The following LRP1B variants were observed in gnomAD, a reference collection of about 807,000 sequenced individuals.
The protein encoded by LRP1B is low-density lipoprotein receptor-related protein 1B.
In LRP1B, 217 loss-of-function variants were observed where a neutral mutation model predicts 556.6. The observed-to-expected ratio is 0.39, with a 90% confidence interval of 0.35 to 0.44. The LOEUF is 0.44. Among genes scored for constraint, LRP1B ranks in the 20% least tolerant of loss-of-function variants. The pLI is 1.00. For missense variants in LRP1B, 5,053 were observed against 5,620.8 expected (o/e 0.90, Z 3.23); for synonymous variants, 2,047 against 1,865.8 (o/e 1.10, Z -2.50).
At chr2:140,894,838 G>A (rs1170299618) in intron 23 of LRP1B, among the ~76,000 whole-genome samples, 2 of 151,896 alleles carry the variant, frequency 1.3e-5, no homozygotes, top group African/African-American at 4.8e-5. Flanking sequence ...AGCTACTCAG[G>A]AGGCTGAAGG....
intron 41 of LRP1B, among the ~76,000 whole-genome samples, chr2:140,688,686 A>G (rs1686133794): frequency 6.6e-6 from 1 of 152,158 alleles, no homozygotes; most frequent in Non-Finnish European, 1.5e-5. Context: ...CTTGCCAGTG[A>G]GACATTAGCA....
chr2:140,622,402 TCA>T (rs1173686362), intron 41 of LRP1B, among the ~76,000 whole-genome samples: 1 of 152,208 alleles, frequency 6.6e-6, no homozygotes, highest in African/African-American at 2.4e-5. Flanking sequence ...CATTTAGCTT[TCA>T]CAGTTTACCT....
intron 7 of LRP1B, among the ~76,000 whole-genome samples, chr2:141,117,506 T>C (rs1356319386): frequency 1.3e-5 from 2 of 151,814 alleles, no homozygotes; most frequent in Non-Finnish European, 2.9e-5. Context: ...AATTAGAAGG[T>C]TTAAAAAAAT....
At chr2:141,022,107 A>G (rs778714308) in intron 11 of LRP1B, among the ~76,000 whole-genome samples, 3 of 151,664 alleles carry the variant, frequency 2.0e-5, no homozygotes, top group Non-Finnish European at 2.9e-5. Context: ...ATAAATAAAT[A>G]TATGTGATGT....
At chr2:141,268,577 A>G (rs1018978233) in intron 3 of LRP1B, among the ~76,000 whole-genome samples, 2 of 152,160 alleles carry the variant, frequency 1.3e-5, no homozygotes, top group Non-Finnish European at 2.9e-5. Flanking sequence ...GGAAATCAAT[A>G]CAAAACCAAA....
chr2:141,527,532 T>C (rs1440199458), intron 2 of LRP1B, among the ~76,000 whole-genome samples: 1 of 152,082 alleles, frequency 6.6e-6, no homozygotes, highest in African/African-American at 2.4e-5. Flanking sequence ...TAGATAACTA[T>C]TTTTCACCTA....
At chr2:140,798,306 A>G (rs1365362512) in intron 32 of LRP1B, among the ~76,000 whole-genome samples, 1 of 152,158 alleles carries the variant, frequency 6.6e-6, no homozygotes, top group Non-Finnish European at 1.5e-5. Flanking sequence ...AACAGTACAT[A>G]AATATAAAAA....
chr2:142,086,075 C>T (rs1273959124), intron 1 of LRP1B, among the ~76,000 whole-genome samples: 28 of 152,104 alleles, frequency 1.8e-4, no homozygotes, highest in Admixed American at 1.8e-3. Flanking sequence ...TAAAAAGTTG[C>T]ATTAAAGTAG....
At position 141,946,871 on chromosome 2, in the gene LRP1B, G is replaced by A. The variant is rs555279290; in HGVS notation, c.83-136470C>T. On this transcript the variant is annotated intron_variant, in intron 1 of 90. Coordinates refer to ENST00000389484, the MANE Select transcript of LRP1B (RefSeq NM_018557.3). ...ATGATAGGAACGATATTAGCGATAT[G>A]GTAAAAATTATAAGGATGAAAAGCA... is the stretch of plus-strand genomic sequence containing the variant. Among the ~76,000 whole-genome samples, 35 of 152,032 alleles carry A rather than the reference G, an allele frequency of 2.3e-4. 1 individual carries two copies. Among genetic ancestry groups the A allele is most frequent in the African/African-American group, 8.2e-4 (34 of 41,454 alleles).
chr2:140,558,391 A>C (rs1286088973), intron 43 of LRP1B, among the ~76,000 whole-genome samples: 1 of 152,238 alleles, frequency 6.6e-6, no homozygotes, highest in Non-Finnish European at 1.5e-5. Flanking sequence ...TGGTATACCC[A>C]TATCATAGAA....
At chr2:141,720,231 G>C (rs1035500772) in intron 2 of LRP1B, among the ~76,000 whole-genome samples, 8 of 152,236 alleles carry the variant, frequency 5.3e-5, no homozygotes, top group South Asian at 4.1e-4. Flanking sequence ...CTGAAGACTA[G>C]AGTGAAGGTC....
intron 3 of LRP1B, among the ~76,000 whole-genome samples, chr2:141,371,757 AT>A (rs981194754): frequency 1.3e-5 from 2 of 151,886 alleles, no homozygotes; most frequent in African/African-American, 2.4e-5. Context: ...CACATCTAAG[AT>A]TTTTTTTGGT....
intron 7 of LRP1B, among the ~76,000 whole-genome samples, chr2:141,097,992 C>G (rs1228336117): frequency 6.6e-6 from 1 of 152,122 alleles, no homozygotes; most frequent in Non-Finnish European, 1.5e-5. Context: ...TAATTCACTT[C>G]ATGGCCTCAA....
intron 31 of LRP1B, among the ~76,000 whole-genome samples, chr2:140,826,736 T>C (rs1691522264): frequency 6.6e-6 from 1 of 152,094 alleles, no homozygotes; most frequent in African/African-American, 2.4e-5. Context: ...GATCCCCTTT[T>C]AAGAAAACTA....
At chr2:140,505,105 A>G (rs917472034) in intron 53 of LRP1B, among the ~76,000 whole-genome samples, 1 of 152,202 alleles carries the variant, frequency 6.6e-6, no homozygotes, top group African/African-American at 2.4e-5. Context: ...CGACCATCTC[A>G]ATTTACAGTC....
At chr2:140,888,350 T>C (rs1232703543) in intron 23 of LRP1B, among the ~76,000 whole-genome samples, 1 of 152,000 alleles carries the variant, frequency 6.6e-6, no homozygotes, top group Non-Finnish European at 1.5e-5. Flanking sequence ...TAAAAATGAA[T>C]TAACTCAAAT....
At chr2:140,333,290 C>T (rs1573807019) in intron 79 of LRP1B, among the ~76,000 whole-genome samples, 1 of 152,056 alleles carries the variant, frequency 6.6e-6, no homozygotes, top group Non-Finnish European at 1.5e-5. Context: ...CAGCCCATCT[C>T]TTACTTTGCT....
intron 35 of LRP1B, among the ~76,000 whole-genome samples, chr2:140,734,342 T>A (rs10189658): frequency 0.49 from 73,741 of 152,032 alleles, 19,088 homozygotes; most frequent in Non-Finnish European, 0.59. Context: ...GAAGAAACTC[T>A]CAGAATGTGG....
intron 11 of LRP1B, among the ~76,000 whole-genome samples, chr2:141,021,362 C>G (rs903636197): frequency 6.8e-6 from 1 of 146,358 alleles, no homozygotes; most frequent in Non-Finnish European, 1.5e-5. Flanking sequence ...TCTGATCTAA[C>G]TGAAAATTCC....
Sources: allele counts gnomAD v4.1 joint callset (sites outside exome capture counted in the v4.1 genomes callset), GRCh38; gene constraint gnomAD v4.1.1; transcripts MANE v1.5; gene names NCBI Gene and HGNC (gene_info 2026-07-23, HGNC 2026-07-21).